Variants in C1QTNF3 observed in about 807,000 individuals in gnomAD.
C1QTNF3 encodes complement C1q tumor necrosis factor-related protein 3.
Under a neutral mutation model 32.6 loss-of-function variants are expected in C1QTNF3, and 26 were observed. The observed-to-expected ratio is 0.80, with a 90% confidence interval of 0.58 to 1.11. C1QTNF3 has a LOEUF of 1.11. Ranked by LOEUF, C1QTNF3 falls within the 50% of genes least tolerant of loss-of-function variation. The pLI, the probability that C1QTNF3 is intolerant of heterozygous loss-of-function variation, is 0.00. For missense variants in C1QTNF3, 362 were observed against 398.2 expected (o/e 0.91, Z 0.77); for synonymous variants, 155 against 146.0 (o/e 1.06, Z -0.44).
chr5:34,225,471 T>C, the C1QTNF3 span, among the ~76,000 whole-genome samples: 2 of 152,030 alleles, frequency 1.3e-5, no homozygotes, highest in Non-Finnish European at 2.9e-5. Context: ...AAATTCCTTC[T>C]TTGTTTATAA....
the C1QTNF3 span, among the ~76,000 whole-genome samples, chr5:34,196,660 ATTTT>A: frequency 1.2e-3 from 173 of 140,626 alleles, no homozygotes; most frequent in Admixed American, 5.0e-3. Flanking sequence ...TTAATTTTTA[ATTTT>A]TTTTTTTTTT....
At chr5:34,177,893 C>A in the C1QTNF3 span, among the ~76,000 whole-genome samples, 1 of 151,640 alleles carries the variant, frequency 6.6e-6, no homozygotes, top group South Asian at 2.1e-4. Flanking sequence ...AAAGGGCTAG[C>A]ATTCCAGGTG....
chr5:34,104,574 T>G, the C1QTNF3 span, among the ~76,000 whole-genome samples: 1 of 78,208 alleles, frequency 1.3e-5, no homozygotes, highest in African/African-American at 5.1e-5. Flanking sequence ...TCGCTCTTGT[T>G]GCCCAGGCTG....
At chr5:34,039,763 CAA>C (rs1051993359) in intron 1 of C1QTNF3, among the ~76,000 whole-genome samples, 4 of 152,272 alleles carry the variant, frequency 2.6e-5, no homozygotes, top group African/African-American at 9.6e-5. Flanking sequence ...CTCTACAATG[CAA>C]AGATACTAAA....
the C1QTNF3 span, among the ~76,000 whole-genome samples, chr5:34,097,286 C>T: frequency 5.9e-5 from 9 of 151,812 alleles, no homozygotes; most frequent in African/African-American, 1.5e-4. Context: ...CCATCCTCTT[C>T]GTCTTCATCA....
the C1QTNF3 span, among the ~76,000 whole-genome samples, chr5:34,056,320 C>T: frequency 1.3e-5 from 2 of 150,908 alleles, no homozygotes; most frequent in Admixed American, 1.3e-4. Flanking sequence ...CTTACTCATG[C>T]TTGTGCATAT....
chr5:34,134,958 G>A, the C1QTNF3 span, among the ~76,000 whole-genome samples: 1 of 152,156 alleles, frequency 6.6e-6, no homozygotes, highest in South Asian at 2.1e-4. Context: ...CCAACACCAT[G>A]TTAAATAGGA....
At chr5:34,181,136 C>T in the C1QTNF3 span, among the ~76,000 whole-genome samples, 10 of 152,292 alleles carry the variant, frequency 6.6e-5, no homozygotes, top group African/African-American at 2.4e-4. Flanking sequence ...TTACATCTTC[C>T]CCCCACCATT....
At chr5:34,116,761 A>AT in the C1QTNF3 span, among the ~76,000 whole-genome samples, 5 of 151,528 alleles carry the variant, frequency 3.3e-5, no homozygotes, top group Non-Finnish European at 5.9e-5. Flanking sequence ...CGCCCAGCTA[A>AT]TTTTTTGTAT....
the C1QTNF3 span, among the ~76,000 whole-genome samples, chr5:34,113,452 T>G: frequency 5.9e-5 from 9 of 151,976 alleles, no homozygotes; most frequent in East Asian, 1.8e-3. Context: ...ATGTTTTGTT[T>G]TTCTCTTTGT....
the C1QTNF3 span, among the ~76,000 whole-genome samples, chr5:34,154,244 TTTC>T: frequency 1.2e-4 from 18 of 152,240 alleles, no homozygotes; most frequent in Admixed American, 2.0e-4. Flanking sequence ...AACGAGTTTT[TTTC>T]TTCTTATAAT....
the C1QTNF3 span, among the ~76,000 whole-genome samples, chr5:34,204,351 C>G: frequency 2.6e-5 from 4 of 152,060 alleles, no homozygotes; most frequent in Admixed American, 2.6e-4. Context: ...GCAATGTGTC[C>G]CTCAGTGGAT....
At chr5:34,070,873 G>T in the C1QTNF3 span, among the ~76,000 whole-genome samples, 1 of 152,082 alleles carries the variant, frequency 6.6e-6, no homozygotes, top group Non-Finnish European at 1.5e-5. Flanking sequence ...TTCCAGTAAA[G>T]TCGCCCTCAA....
chr5:34,127,876 T>TA, the C1QTNF3 span, among the ~76,000 whole-genome samples: 1 of 151,836 alleles, frequency 6.6e-6, no homozygotes, highest in East Asian at 1.9e-4. Context: ...ACCATGTGGT[T>TA]AAAAAAATAA....
the C1QTNF3 span, among the ~76,000 whole-genome samples, chr5:34,067,615 C>T: frequency 2.0e-5 from 3 of 152,086 alleles, no homozygotes; most frequent in African/African-American, 7.2e-5. Flanking sequence ...AGACTTGCCC[C>T]CATGATTCAA....
At chr5:34,119,956 A>G in the C1QTNF3 span, among the ~76,000 whole-genome samples, 3 of 152,280 alleles carry the variant, frequency 2.0e-5, no homozygotes, top group African/African-American at 7.2e-5. Context: ...TAAGAGCTGG[A>G]TATCTTTGGG....
chr5:34,146,191 T>C, the C1QTNF3 span, among the ~76,000 whole-genome samples: 2 of 152,216 alleles, frequency 1.3e-5, no homozygotes, highest in Admixed American at 1.3e-4. Flanking sequence ...GGCATCCATA[T>C]AGAAAAAGAA....
chr5:34,062,295 T>TG, the C1QTNF3 span, among the ~76,000 whole-genome samples: 1 of 152,160 alleles, frequency 6.6e-6, no homozygotes, highest in Non-Finnish European at 1.5e-5. Flanking sequence ...TCAGAGAGGG[T>TG]GTAGGTAACC....
chr5:34,195,771 C>T, the C1QTNF3 span, among the ~76,000 whole-genome samples: 41 of 151,858 alleles, frequency 2.7e-4, no homozygotes, highest in African/African-American at 8.7e-4. Flanking sequence ...ACCCAGGAGG[C>T]GGAGCTTGTA....
Sources: gnomAD v4.1 joint callset for allele counts (sites outside exome capture counted in the v4.1 genomes callset) on GRCh38, gnomAD v4.1.1 for gene constraint, MANE v1.5 for transcripts, NCBI Gene and HGNC (gene_info 2026-07-23, HGNC 2026-07-21) for gene names.